The following NR6A1 variants were observed in gnomAD, a reference collection of about 807,000 sequenced individuals.
NR6A1 encodes the protein retinoic acid receptor-related testis-associated receptor.
In NR6A1, 7 loss-of-function variants were observed where a neutral mutation model predicts 59.1. The observed-to-expected ratio is 0.12, with a 90% CI of 0.07 to 0.22. The LOEUF is 0.22. NR6A1 is among the 10% of genes least tolerant of loss of function. The pLI is 1.00. For missense variants in NR6A1, 468 were observed against 611.6 expected (o/e 0.77, Z 2.48); for synonymous variants, 243 against 236.1 (o/e 1.03, Z -0.27).
At chr9:124,725,931 T>G (rs573159316) in intron 2 of NR6A1, among the ~76,000 whole-genome samples, 2 of 152,342 alleles carry the variant, frequency 1.3e-5, no homozygotes, top group East Asian at 3.9e-4. Context: ...TGTAACAGAC[T>G]TGTTGACTAC....
chr9:124,703,095 G>T (rs776854660), intron 2 of NR6A1, among the ~76,000 whole-genome samples: 3 of 151,926 alleles, frequency 2.0e-5, no homozygotes, highest in Non-Finnish European at 4.4e-5. Flanking sequence ...AGTAGAAACA[G>T]GGTTTCACCA....
At chr9:124,543,218 G>A (rs1050374058) in intron 4 of NR6A1, among the ~76,000 whole-genome samples, 1 of 152,018 alleles carries the variant, frequency 6.6e-6, no homozygotes, top group African/African-American at 2.4e-5. Flanking sequence ...CCCCAACCAC[G>A]GCTCTAGCCC....
At position 124,593,499 on chromosome 9, in the gene NR6A1, C is replaced by A. The variant is rs562949059; in HGVS notation, c.143-38929G>T. On this transcript the variant is annotated intron_variant, in intron 2 of 9. Transcript: ENST00000487099. ...TGCTTTGATGCATGTGACCAAGACC[C>A]AAATGATCACCCTCTCCAATTCAAT... Among the ~76,000 whole-genome samples the A allele has an allele frequency of 6.0e-4, 91 of 152,196 alleles. 1 individual carries two copies. In the South Asian group the frequency reaches 0.018, roughly 31 times the overall value.
At chr9:124,738,771 A>G (rs1840087968) in intron 1 of NR6A1, among the ~76,000 whole-genome samples, 1 of 151,970 alleles carries the variant, frequency 6.6e-6, no homozygotes, top group South Asian at 2.1e-4. Context: ...TTGGGAGGCC[A>G]AGGCGGGAGG....
chr9:124,623,507 G>C (rs1261224844), intron 2 of NR6A1, among the ~76,000 whole-genome samples: 1 of 151,116 alleles, frequency 6.6e-6, no homozygotes, highest in Non-Finnish European at 1.5e-5. Flanking sequence ...CTACAGGCAT[G>C]AGCTACCATG....
chr9:124,697,639 A>G (rs1257718277), intron 2 of NR6A1, among the ~76,000 whole-genome samples: 1 of 152,130 alleles, frequency 6.6e-6, no homozygotes, highest in East Asian at 1.9e-4. Flanking sequence ...AGATGGTGAA[A>G]AAGTCATGAG....
At chr9:124,648,360 A>C (rs1452382550) in intron 2 of NR6A1, among the ~76,000 whole-genome samples, 2 of 152,174 alleles carry the variant, frequency 1.3e-5, no homozygotes, top group Non-Finnish European at 2.9e-5. Context: ...AATAAAATAC[A>C]TGTGATCATT....
At chr9:124,557,336 T>C (rs897743453) in intron 2 of NR6A1, among the ~76,000 whole-genome samples, 1 of 152,148 alleles carries the variant, frequency 6.6e-6, no homozygotes, top group African/African-American at 2.4e-5. Context: ...GGTTTCACCA[T>C]GTTGGCCAGG....
At chr9:124,626,646 G>C (rs1836248950) in intron 2 of NR6A1, among the ~76,000 whole-genome samples, 1 of 152,028 alleles carries the variant, frequency 6.6e-6, no homozygotes, top group Non-Finnish European at 1.5e-5. Context: ...AATAATACTG[G>C]AGCTTCAGGC....
At position 124,521,168 on chromosome 9, in the gene NR6A1, C is replaced by T. The variant is rs965031724; in HGVS notation, c.*1537G>A. On this transcript the variant is annotated 3_prime_UTR_variant, in exon 10 of 10. Transcript: ENST00000487099. ...CTTGCCACACTGGCTGTGAAAGATA[C>T]CTGGGTGTAGGCAGGACAAGCACCT... 2.6e-5 allele frequency: 4 copies of T among 152,298 alleles called. No individual in the cohort carries two copies. Among genetic ancestry groups the T allele is most frequent in the African/African-American group, 7.2e-5 (3 of 41,470 alleles). The allele number at this position is 152,298 out of a possible 1,614,324, so 9.4% of individuals were successfully genotyped here. A position where few individuals can be genotyped will look rare whatever the true frequency, so the allele number is the denominator to read the frequency against.
intron 1 of NR6A1, among the ~76,000 whole-genome samples, chr9:124,765,265 C>T (rs182845546): frequency 6.6e-6 from 1 of 152,176 alleles, no homozygotes; most frequent in Non-Finnish European, 1.5e-5. Flanking sequence ...CAAACACACA[C>T]TCCTTAAAGA....
chr9:124,763,147 G>A (rs1233980831), intron 1 of NR6A1, among the ~76,000 whole-genome samples: 1 of 152,214 alleles, frequency 6.6e-6, no homozygotes, highest in Non-Finnish European at 1.5e-5. Context: ...TGCTTGGCAT[G>A]TACTTTTCCA....
intron 2 of NR6A1, among the ~76,000 whole-genome samples, chr9:124,559,138 G>A (rs1056598388): frequency 3.9e-5 from 6 of 152,068 alleles, no homozygotes; most frequent in Non-Finnish European, 8.8e-5. Context: ...CAGTAACTTC[G>A]AGACATATTA....
At chr9:124,600,904 T>C (rs974021805) in intron 2 of NR6A1, among the ~76,000 whole-genome samples, 18 of 151,738 alleles carry the variant, frequency 1.2e-4, no homozygotes, top group Middle Eastern at 3.4e-3. Context: ...TCAAAAGATT[T>C]TGTAATGCCA....
At chr9:124,658,474 T>C (rs1270569242) in intron 2 of NR6A1, 2 of 152,360 alleles carry the variant, frequency 1.3e-5, no homozygotes, top group Non-Finnish European at 2.9e-5. Context: ...ATACCTCGTC[T>C]AGCCTGGGTT....
intron 2 of NR6A1, among the ~76,000 whole-genome samples, chr9:124,590,092 C>CAAAAAAAAAAAAAAA (rs1327869115): frequency 1.9e-4 from 12 of 64,800 alleles, no homozygotes; most frequent in African/African-American, 6.1e-4. Flanking sequence ...AAAAAAAAAG[C>CAAAAAAAAAAAAAAA]AAAGCTAGTC....
At chr9:124,538,466 C>T (rs934064708) in intron 5 of NR6A1, 147 bp from the exon 6 acceptor site, 3 of 622,608 alleles carry the variant, frequency 4.8e-6, no homozygotes, top group Non-Finnish European at 8.4e-6. Flanking sequence ...TAGTTAAATT[C>T]ATGTCTCTCC....
intron 8 of NR6A1, among the ~76,000 whole-genome samples, chr9:124,526,448 A>G (rs967021593): frequency 4.6e-5 from 7 of 152,160 alleles, no homozygotes; most frequent in African/African-American, 1.7e-4. Context: ...TACATATTTA[A>G]AATGACGCAT....
In NR6A1 at chr9:124,555,477, G is replaced by A. The variant is rs1181991917; in HGVS notation, c.143-907C>T. ...CAAGAACATCGTTATAGAGCCAGGC[G>A]TGATGGCACACACCTGTAGTCTCAT... On this transcript the variant is annotated intron_variant, in intron 2 of 9. Transcript: ENST00000487099. 2.0e-5 allele frequency among the ~76,000 whole-genome samples: 3 copies of A among 152,308 alleles called. No homozygotes were observed. The South Asian group carries it at 6.2e-4, about 32-fold the overall frequency.
Sources: gnomAD v4.1 joint callset for allele counts (sites outside exome capture counted in the v4.1 genomes callset) on GRCh38, gnomAD v4.1.1 for gene constraint, MANE v1.5 for transcripts, NCBI Gene and HGNC (gene_info 2026-07-23, HGNC 2026-07-21) for gene names.